Variants in ULK1 observed in about 807,000 individuals in gnomAD.
ULK1 encodes unc-51 like autophagy activating kinase 1.
In ULK1, 48 loss-of-function variants were observed where a neutral mutation model predicts 117.5. The observed-to-expected ratio is 0.41, with a 90% CI of 0.32 to 0.52. The LOEUF is 0.52. Ranked by LOEUF, ULK1 falls within the 20% of genes least tolerant of loss-of-function variation. The pLI is 0.29. For synonymous variants in ULK1, 790 were observed against 637.8 expected, an observed-to-expected ratio of 1.24 and a Z score of -3.60; for missense variants, 1,387 against 1,473.4, an observed-to-expected ratio of 0.94 and a Z score of 0.96.
rs956079017 is a variant in ULK1 at position 131,921,737 on chromosome 12, G to A, written c.*376G>A. On this transcript the variant is annotated 3_prime_UTR_variant, in exon 28 of 28. Coordinates refer to ENST00000321867, the MANE Select transcript of ULK1 (RefSeq NM_003565.4). ...GCGAGCTCCTGCTTAGGGAAGGTCA[G>A]CAGGCACTGTGCCCAGGAAGAGCCT... The A allele has an allele frequency of 8.9e-6, 5 of 563,806 alleles. No individual in the cohort carries two copies. The highest frequency in any genetic ancestry group is 4.4e-5 in the Admixed American group (2 of 45,354). The allele number at this position is 563,806 out of a possible 1,614,324, so 34.9% of individuals were successfully genotyped here. A position where few individuals can be genotyped will look rare whatever the true frequency, so the allele number is the denominator to read the frequency against.
chr12:131,918,596 G>T lies in ULK1; in HGVS notation c.2426G>T (p.Cys809Phe). The change falls in exon 23 of 28, where the codon TGC (cysteine) becomes TTC (phenylalanine). Residue 809 changes from cysteine to phenylalanine, a missense_variant. By Grantham distance (205) the Cys-to-Phe change is radical. Transcript: ENST00000321867. Reference protein sequence around the residue: ...APELPAPGHGCSFADPITANL... With the variant: ...APELPAPGHGFSFADPITANL... ...GAGCTCCCTGCTCCAGGACACGGCT[G>T]CAGCTTTGCCGACCCCATTACTGCG... The T allele has an allele frequency of 6.2e-7, 1 of 1,610,820 alleles. No individual in the cohort carries two copies. Among genetic ancestry groups the T allele is most frequent in the South Asian group, 1.1e-5 (1 of 90,808 alleles).
intron 10 of ULK1, 115 bp downstream of exon 10, chr12:131,910,116 A>G: frequency 1.3e-6 from 2 of 1,559,226 alleles, no homozygotes; most frequent in South Asian, 2.2e-5. Context: ...TGCCCTTTCC[A>G]CAAGCCAAGC....
Position 131,914,318 on chromosome 12 carries a change from T to C in ULK1, c.1248-34T>C, listed in dbSNP as rs1889675909. ...TGACCTCAGCCTCTTGTGACCCCAGTGTCTGTCATGATCCTGACCTCTCTC... is the reference window on the plus strand; with the variant it reads ...TGACCTCAGCCTCTTGTGACCCCAGCGTCTGTCATGATCCTGACCTCTCTC... On this transcript the variant is annotated intron_variant, in intron 15 of 27. Coordinates refer to ENST00000321867, the MANE Select transcript of ULK1 (RefSeq NM_003565.4). 4 of 1,601,418 alleles carry C rather than the reference T, an allele frequency of 2.5e-6. No individual in the cohort carries two copies. The South Asian group carries it at 4.4e-5, about 18-fold the overall frequency.
intron 4 of ULK1, 121 bp downstream of exon 4, chr12:131,907,045 G>A: frequency 1.5e-6 from 2 of 1,352,016 alleles, no homozygotes; most frequent in Non-Finnish European, 2.1e-6. Flanking sequence ...TTGAGATGGA[G>A]TCTCACTGTC....
Position 131,910,311 on chromosome 12 carries a change from T to A in ULK1, c.859+7T>A. 2 of 1,613,714 alleles carry A rather than the reference T, an allele frequency of 1.2e-6. No individual in the cohort carries two copies. ...AGCCCCTCGGTCAGGAAATGTGAGT[T>A]TCTGTGGGTCCTGGGGCTCCGCATG... On this transcript the variant is annotated splice_region_variant and intron_variant, in intron 11 of 27. Transcript: ENST00000321867.
rs1441529971 is a variant in ULK1 at position 131,918,517 on chromosome 12, A to G, written c.2347A>G (p.Ser783Gly). ...TGCAGCGGGCCCCACTGGCTCTGCCAGCTCTTCTGCCCGCCACCTGGTGCC... is the reference window on the plus strand; with the variant it reads ...TGCAGCGGGCCCCACTGGCTCTGCCGGCTCTTCTGCCCGCCACCTGGTGCC... ...MFSAGPTGSA[S>G]SSARHLVPGP... Residue 783 changes from serine to glycine, a missense_variant, in exon 23 of 28, where the codon AGC (serine) becomes GGC (glycine). Ser to Gly is a moderately conservative substitution (Grantham distance 56). This residue lies in a region of ULK1 where 900 missense variants were observed against 858.9 expected (regional missense o/e 1.05). Coordinates refer to ENST00000321867, the MANE Select transcript of ULK1 (RefSeq NM_003565.4). 1 of 1,610,244 alleles carries G rather than the reference A, an allele frequency of 6.2e-7. No homozygotes were observed. The highest frequency in any genetic ancestry group is 1.3e-5 in the African/African-American group (1 of 74,772).
In ULK1 at chr12:131,913,188, C is replaced by A; in HGVS notation, c.1097-10C>A. Reference sequence around the variant, plus strand: ...AAGGACTCCAGGCCCAGCCTTGTCTCCCCCTGCAGGTGACCTGGTGGCTGA... The same window carrying A: ...AAGGACTCCAGGCCCAGCCTTGTCTACCCCTGCAGGTGACCTGGTGGCTGA... On this transcript the variant is annotated splice_polypyrimidine_tract_variant and intron_variant, in intron 13 of 27. Transcript: ENST00000321867. The A allele has an allele frequency of 6.4e-7, 1 of 1,570,650 alleles. No individual in the cohort carries two copies. The highest frequency in any genetic ancestry group is 8.6e-7 in the Non-Finnish European group (1 of 1,163,552).
chr12:131,905,974 C>T (rs949929356), intron 3 of ULK1, among the ~76,000 whole-genome samples: 2 of 152,206 alleles, frequency 1.3e-5, no homozygotes, highest in Non-Finnish European at 2.9e-5. Context: ...GTGGCTGAGA[C>T]GCCTCTGACC....
chr12:131,913,122 C>A, intron 13 of ULK1, 76 bp from the exon 14 acceptor site: 1 of 1,409,652 alleles, frequency 7.1e-7, no homozygotes, highest in Non-Finnish European at 9.4e-7. Context: ...GGGGATCCAG[C>A]AGAGAGCCTC....
chr12:131,908,473 TG>T, intron 5 of ULK1, 170 bp from the exon 6 acceptor site: 2 of 714,924 alleles, frequency 2.8e-6, no homozygotes, highest in Non-Finnish European at 2.1e-6. Context: ...AGGTGCGCCC[TG>T]GTCTCGGCGG....
intron 14 of ULK1, 64 bp downstream of exon 14, chr12:131,913,322 G>A (rs375800366): frequency 9.0e-6 from 13 of 1,445,140 alleles, no homozygotes; most frequent in African/African-American, 2.9e-5. Context: ...GAAGTGGCCC[G>A]TGTTATTTAC....
At chr12:131,916,661 G>C (rs1288449280) in intron 20 of ULK1, 70 bp downstream of exon 20, 3 of 1,425,876 alleles carry the variant, frequency 2.1e-6, no homozygotes, top group Non-Finnish European at 1.8e-6. Flanking sequence ...TGTTCTGCTG[G>C]GTACTTCTGG....
chr12:131,912,968 G>T (rs566657312), intron 13 of ULK1, among the ~76,000 whole-genome samples: 84 of 152,266 alleles, frequency 5.5e-4, no homozygotes, highest in Admixed American at 5.2e-3. Flanking sequence ...TCCAAGTGGG[G>T]ATAAGCGGGG....
intron 25 of ULK1, 61 bp downstream of exon 25, chr12:131,919,651 G>T: frequency 6.4e-7 from 1 of 1,569,418 alleles, no homozygotes. Flanking sequence ...CCTTGCAACT[G>T]CCTGGGTGAC....
Position 131,910,319 on chromosome 12 carries a change from G to A in ULK1, c.859+15G>A. 5 of 1,613,676 alleles carry A rather than the reference G, an allele frequency of 3.1e-6. No individual in the cohort carries two copies. The South Asian group carries it at 5.5e-5, about 18-fold the overall frequency. On this transcript the variant is annotated intron_variant, in intron 11 of 27. Coordinates refer to ENST00000321867, the MANE Select transcript of ULK1 (RefSeq NM_003565.4). The stretch of plus-strand genomic sequence containing the variant: ...GGTCAGGAAATGTGAGTTTCTGTGG[G>A]TCCTGGGGCTCCGCATGGGCCCTGC...
intron 3 of ULK1, among the ~76,000 whole-genome samples, chr12:131,904,979 C>G (rs1451885922): frequency 1.3e-5 from 2 of 152,274 alleles, no homozygotes; most frequent in East Asian, 3.9e-4. Flanking sequence ...GCTGGGAGCC[C>G]TGGGCTCCCC....
chr12:131,899,725 A>C (rs1240309867), intron 3 of ULK1, among the ~76,000 whole-genome samples: 4 of 152,160 alleles, frequency 2.6e-5, no homozygotes, highest in Non-Finnish European at 5.9e-5. Context: ...GCTTAACACC[A>C]TGGCCCCTGA....
chr12:131,903,298 G>A lies in ULK1; in HGVS notation c.247-3594G>A, dbSNP rs147362810. 3.9e-4 allele frequency among the ~76,000 whole-genome samples: 60 copies of A among 152,320 alleles called. No homozygotes were observed. The East Asian group carries it at 7.9e-3, about 20-fold the overall frequency. On this transcript the variant is annotated intron_variant, in intron 3 of 27. Transcript: ENST00000321867. The surrounding 1 kb of genome is among the most constrained non-coding windows in gnomAD (Gnocchi z 6.0). ...GGAGACAGCAAGGCTAGGTCCTTCC[G>A]GGGACACAGAGGGTGACTGGCTTGG...
At chr12:131,920,369 C>T in intron 26 of ULK1, 1 of 529,992 alleles carries the variant, frequency 1.9e-6, no homozygotes, top group Non-Finnish European at 3.3e-6. Context: ...CTGCCTCGCC[C>T]CGACTCAGTT....
Sources: allele counts gnomAD v4.1 joint callset (sites outside exome capture counted in the v4.1 genomes callset), GRCh38; gene constraint gnomAD v4.1.1; regional missense constraint gnomAD v4.1.1; non-coding constraint Gnocchi (gnomAD v3.1); transcripts MANE v1.5; gene names NCBI Gene and HGNC (gene_info 2026-07-23, HGNC 2026-07-21).